The following PITPNM2 variants were observed in gnomAD, a reference collection of about 807,000 sequenced individuals.
PITPNM2 encodes membrane-associated phosphatidylinositol transfer protein 2.
In PITPNM2, 35 loss-of-function variants were observed where a neutral mutation model predicts 132.2. That is an observed-to-expected ratio of 0.26 (90% CI 0.20 to 0.35). The LOEUF (loss-of-function observed/expected upper bound fraction) is 0.35. Ranked by LOEUF, PITPNM2 falls within the 10% of genes least tolerant of loss-of-function variation. The pLI is 1.00. For missense variants in PITPNM2, 1,332 were observed against 1,912.0 expected, an observed-to-expected ratio of 0.70 and a Z score of 5.66; for synonymous variants, 738 against 799.2, an observed-to-expected ratio of 0.92 and a Z score of 1.29.
chr12:122,986,956 G>A (rs1001425813), intron 23 of PITPNM2, 127 bp from the exon 24 acceptor site: 106 of 1,203,870 alleles, frequency 8.8e-5, no homozygotes, highest in Admixed American at 1.3e-4. Flanking sequence ...CAGTAACGAC[G>A]ACAATGGTTG....
At chr12:123,119,515 G>C (rs1364279691) in intron 1 of PITPNM2, among the ~76,000 whole-genome samples, 2 of 151,872 alleles carry the variant, frequency 1.3e-5, no homozygotes, top group Non-Finnish European at 2.9e-5. Context: ...CCGCCACCAC[G>C]CCTGGCTAAT....
rs776342844 is a variant in PITPNM2, at chr12:122,986,854, GT to G, written c.3414-26del. 6 of 1,584,242 alleles carry G rather than the reference GT, an allele frequency of 3.8e-6. No individual in the cohort carries two copies. In the South Asian group the frequency reaches 6.8e-5, roughly 18 times the overall value. On this transcript the variant is annotated intron_variant, in intron 23 of 25. Transcript: ENST00000320201. ...CCTGGGGGTGAGGTGTCGTCTCATG[GT>G]CACCCCTTCCTCCCTCCTGGGCCTC... is the stretch of plus-strand genomic sequence containing the variant.
intron 1 of PITPNM2, among the ~76,000 whole-genome samples, chr12:123,136,138 T>C (rs1226660845): frequency 6.6e-6 from 1 of 151,764 alleles, no homozygotes; most frequent in East Asian, 1.9e-4. Flanking sequence ...CTGTCTCTAC[T>C]AAAAATACAA....
Position 123,031,719 on chromosome 12 carries a change from C to T in PITPNM2, c.78+2794G>A, listed in dbSNP as rs1349157833. 2.0e-5 allele frequency among the ~76,000 whole-genome samples: 3 copies of T among 152,312 alleles called. No individual in the cohort carries two copies. Among genetic ancestry groups the T allele is most frequent in the Middle Eastern group, 3.4e-3 (1 of 294 alleles). ...GAGCAGGAACACCAACAGCCTTGCC[C>T]CCAATCTCCCCTCCAAGCATGCTAG... On this transcript the variant is annotated intron_variant, in intron 3 of 25. Coordinates refer to ENST00000320201, the MANE Select transcript of PITPNM2 (RefSeq NM_020845.3). The surrounding 1 kb of genome is among the most constrained non-coding windows in gnomAD (Gnocchi z 4.5).
rs954725031 is a variant in PITPNM2 at position 123,000,167 on chromosome 12, C to T, written c.1224+611G>A. The T allele has an allele frequency of 3.6e-5, 20 of 557,916 alleles. No homozygotes were observed. Among genetic ancestry groups the T allele is most frequent in the East Asian group, 5.8e-5 (2 of 34,306 alleles). The allele number at this position is 557,916 out of a possible 1,614,324, so 34.6% of individuals were successfully genotyped here. A position where few individuals can be genotyped will look rare whatever the true frequency, so the allele number is the denominator to read the frequency against. ...TAGGTAGCTTGAGGCCAGAGCAGTG[C>T]GGTGACCGCAGGTGATGGTGGGACA... On this transcript the variant is annotated intron_variant, in intron 10 of 25. Coordinates refer to ENST00000320201, the MANE Select transcript of PITPNM2 (RefSeq NM_020845.3). The surrounding 1 kb of genome is among the most constrained non-coding windows in gnomAD (Gnocchi z 5.4).
In PITPNM2 at chr12:123,029,193, A is replaced by G. The variant is rs2039982454; in HGVS notation, c.78+5320T>C. 2.0e-5 allele frequency among the ~76,000 whole-genome samples: 3 copies of G among 152,204 alleles called. No homozygotes were observed. In the South Asian group the frequency reaches 6.2e-4, roughly 32 times the overall value. Reference sequence around the variant, plus strand: ...ACTAGGGGTCCCAAAGAGGCCACCTAGGAGCCCGGAGATCTGAGCTCCAAC... The same window carrying G: ...ACTAGGGGTCCCAAAGAGGCCACCTGGGAGCCCGGAGATCTGAGCTCCAAC... On this transcript the variant is annotated intron_variant, in intron 3 of 25. Coordinates refer to ENST00000320201, the MANE Select transcript of PITPNM2 (RefSeq NM_020845.3).
chr12:123,043,039 G>A (rs780853527), intron 2 of PITPNM2, among the ~76,000 whole-genome samples: 24 of 152,084 alleles, frequency 1.6e-4, no homozygotes, highest in Non-Finnish European at 2.9e-4. Flanking sequence ...CCACAGAATC[G>A]TCCAATCCCT....
In PITPNM2 at chr12:122,997,439, G is replaced by A. The variant is rs2038479089; in HGVS notation, c.1358C>T (p.Ala453Val). 6.2e-7 allele frequency: 1 copy of A among 1,613,448 alleles called. No homozygotes were observed. Among genetic ancestry groups the A allele is most frequent in the Non-Finnish European group, 8.5e-7 (1 of 1,180,006 alleles). ...GCGCATGACGGTGTCGAACACGTTGGCGATGGTGTTAGCATCGCCCTTCTT... is the reference window on the plus strand; with the variant it reads ...GCGCATGACGGTGTCGAACACGTTGACGATGGTGTTAGCATCGCCCTTCTT... ...SSKKGDANTI[A>V]NVFDTVMRVH... is the part of the protein sequence containing the mutation. Residue 453 changes from alanine to valine, a missense_variant, in exon 11 of 26, where the codon GCC (alanine) becomes GTC (valine). By Grantham distance (64) the Ala-to-Val change is moderately conservative (BLOSUM62 0). Coordinates refer to ENST00000320201, the MANE Select transcript of PITPNM2 (RefSeq NM_020845.3).
intron 3 of PITPNM2, among the ~76,000 whole-genome samples, chr12:123,017,926 T>TCCTC (rs779214384): frequency 8.0e-4 from 120 of 150,340 alleles, no homozygotes; most frequent in Non-Finnish European, 1.5e-3. Flanking sequence ...ATCCATCCCT[T>TCCTC]CCTCCCTCCC....
At position 123,031,964 on chromosome 12, in the gene PITPNM2, C is replaced by T. The variant is rs1352232490; in HGVS notation, c.78+2549G>A. On this transcript the variant is annotated intron_variant, in intron 3 of 25. Transcript: ENST00000320201. This position sits in a 1 kb window ranked among gnomAD's most constrained non-coding sequence, Gnocchi z 4.5. The stretch of plus-strand genomic sequence containing the variant: ...TGCCCATCTGTCCAACAAGCTCTCA[C>T]GAAGGGCCCTGAGAGTGCTGATGCT... Among the ~76,000 whole-genome samples the T allele has an allele frequency of 1.3e-5, 2 of 152,146 alleles. No homozygotes were observed. The highest frequency in any genetic ancestry group is 2.1e-4 in the South Asian group (1 of 4,826).
intron 1 of PITPNM2, among the ~76,000 whole-genome samples, chr12:123,127,981 T>C (rs2043183048): frequency 6.6e-6 from 1 of 152,050 alleles, no homozygotes; most frequent in South Asian, 2.1e-4. Flanking sequence ...AGAGAAGGCA[T>C]GCTTGTCTTG....
chr12:123,066,097 T>A (rs892742508), intron 2 of PITPNM2, among the ~76,000 whole-genome samples: 3 of 152,184 alleles, frequency 2.0e-5, no homozygotes, highest in Admixed American at 1.3e-4. Context: ...TCAGTGTGTC[T>A]CATCTGCGAT....
In PITPNM2 at chr12:122,986,050, C is replaced by T. The variant is rs1397598335; in HGVS notation, c.4027G>A (p.Gly1343Arg). ...GRAMTGRLEP[G>R]AAAGPK Reference sequence around the variant, plus strand: ...CCCTACTTGGGGCCCGCGGCTGCCCCCGGCTCCAGGCGGCCAGTCATGGCG... The same window carrying T: ...CCCTACTTGGGGCCCGCGGCTGCCCTCGGCTCCAGGCGGCCAGTCATGGCG... Residue 1343 changes from glycine (G) to arginine (R), a missense_variant, in exon 26 of 26, where the codon GGG (glycine) becomes AGG (arginine). By Grantham distance (125) the Gly-to-Arg change is moderately radical (BLOSUM62 -2). Transcript: ENST00000320201. 20 of 1,411,662 alleles carry T rather than the reference C, an allele frequency of 1.4e-5. 1 individual carries two copies. The highest frequency in any genetic ancestry group is 1.8e-5 in the Non-Finnish European group (20 of 1,094,372). The allele number at this position is 1,411,662 out of a possible 1,614,324, so 87.4% of individuals were successfully genotyped here. A position where few individuals can be genotyped will look rare whatever the true frequency, so the allele number is the denominator to read the frequency against.
intron 1 of PITPNM2, among the ~76,000 whole-genome samples, chr12:123,134,576 C>G (rs182933323): frequency 2.9e-4 from 44 of 152,212 alleles, no homozygotes; most frequent in African/African-American, 9.9e-4. Flanking sequence ...TCCTCTCAAG[C>G]CTTGAAAACA....
chr12:123,029,204 G>A (rs1319627538), intron 3 of PITPNM2, among the ~76,000 whole-genome samples: 4 of 152,212 alleles, frequency 2.6e-5, no homozygotes, highest in African/African-American at 7.2e-5. Flanking sequence ...GGAGCCCGGA[G>A]ATCTGAGCTC....
At chr12:123,141,087 C>T (rs1027912103) in intron 1 of PITPNM2, among the ~76,000 whole-genome samples, 1 of 152,026 alleles carries the variant, frequency 6.6e-6, no homozygotes, top group South Asian at 2.1e-4. Context: ...AGAACATGAC[C>T]AAACACAAGC....
chr12:123,128,470 G>T (rs538042864), intron 1 of PITPNM2, among the ~76,000 whole-genome samples: 4 of 148,308 alleles, frequency 2.7e-5, no homozygotes, highest in Non-Finnish European at 4.5e-5. Flanking sequence ...AAAAAGGTGG[G>T]GGGGCAGGCG....
intron 1 of PITPNM2, among the ~76,000 whole-genome samples, chr12:123,119,806 T>G (rs2137426802): frequency 6.6e-6 from 1 of 152,014 alleles, no homozygotes; most frequent in South Asian, 2.1e-4. Context: ...TTTTTTTTTT[T>G]TTGAGTTTGG....
intron 3 of PITPNM2, among the ~76,000 whole-genome samples, chr12:123,026,285 G>A (rs941151959): frequency 3.3e-5 from 5 of 152,184 alleles, no homozygotes; most frequent in African/African-American, 7.2e-5. Context: ...GGTCTTTGCC[G>A]ATGTAAATGG....
Sources: gnomAD v4.1 joint callset for allele counts (sites outside exome capture counted in the v4.1 genomes callset) on GRCh38, gnomAD v4.1.1 for gene constraint, Gnocchi (gnomAD v3.1) non-coding constraint, MANE v1.5 for transcripts, NCBI Gene and HGNC (gene_info 2026-07-23, HGNC 2026-07-21) for gene names.